Variants in GPR39 observed in about 807,000 individuals in gnomAD.
GPR39 encodes G protein-coupled receptor 39.
GPR39 carries 23 observed loss-of-function variants against 18.4 expected under a neutral mutation model. The ratio of observed to expected loss-of-function variants is 1.25; its 90% CI spans 0.90 to 1.77. GPR39 has a LOEUF of 1.77. Among genes scored for constraint, GPR39 ranks in the 40% most tolerant of loss-of-function variants. The pLI is 0.00. For missense variants in GPR39, 647 were observed against 602.4 expected (o/e 1.07, Z -0.78); for synonymous variants, 280 against 257.9 (o/e 1.09, Z -0.82).
chr2:132,578,485 C>T (rs1053744951), intron 1 of GPR39, among the ~76,000 whole-genome samples: 2 of 151,996 alleles, frequency 1.3e-5, no homozygotes, highest in African/African-American at 4.8e-5. Flanking sequence ...TCTAGTGAAA[C>T]CATCTGGACT....
At chr2:132,628,661 C>A (rs1222819270) in intron 1 of GPR39, among the ~76,000 whole-genome samples, 2 of 152,110 alleles carry the variant, frequency 1.3e-5, no homozygotes, top group African/African-American at 2.4e-5. Flanking sequence ...CCTAGAAAAC[C>A]ATTTTCTAAG....
intron 1 of GPR39, among the ~76,000 whole-genome samples, chr2:132,469,622 T>G (rs1680994450): frequency 1.3e-5 from 2 of 152,076 alleles, no homozygotes; most frequent in Admixed American, 1.3e-4. Flanking sequence ...GAGGTAGTCG[T>G]ATAACTAATG....
At chr2:132,575,593 T>G (rs989283978) in intron 1 of GPR39, among the ~76,000 whole-genome samples, 1 of 152,254 alleles carries the variant, frequency 6.6e-6, no homozygotes, top group African/African-American at 2.4e-5. Flanking sequence ...CACAGTTTTC[T>G]GCAGCCTTGT....
chr2:132,461,276 C>G (rs565687137), intron 1 of GPR39, among the ~76,000 whole-genome samples: 2 of 152,308 alleles, frequency 1.3e-5, no homozygotes, highest in East Asian at 1.9e-4. Flanking sequence ...TCACAACTCT[C>G]TCTACTCTAT....
intron 1 of GPR39, among the ~76,000 whole-genome samples, chr2:132,562,904 A>G (rs929429348): frequency 1.3e-5 from 2 of 152,258 alleles, no homozygotes; most frequent in African/African-American, 2.4e-5. Flanking sequence ...AGTACCATAT[A>G]TGCTGTTAGG....
At chr2:132,476,463 C>T (rs1426490688) in intron 1 of GPR39, among the ~76,000 whole-genome samples, 2 of 151,954 alleles carry the variant, frequency 1.3e-5, no homozygotes, top group East Asian at 1.9e-4. Context: ...TGGTGAAACC[C>T]TGTCTCCACT....
intron 1 of GPR39, among the ~76,000 whole-genome samples, chr2:132,517,270 C>A: frequency 6.6e-6 from 1 of 151,148 alleles, no homozygotes; most frequent in East Asian, 2.0e-4. Flanking sequence ...TATACAGGAC[C>A]CTAATAAAAA....
At chr2:132,574,596 A>G (rs982612385) in intron 1 of GPR39, among the ~76,000 whole-genome samples, 1 of 152,098 alleles carries the variant, frequency 6.6e-6, no homozygotes, top group Non-Finnish European at 1.5e-5. Context: ...TTAGCTGGAC[A>G]TGATGGTGTG....
Position 132,416,898 on chromosome 2 carries a change from TA to T in GPR39, c.-143del. On this transcript the variant is annotated 5_prime_UTR_variant, in exon 1 of 2. An upstream open reading frame in the 5' UTR gains an earlier in-frame stop. Coordinates refer to ENST00000329321, the MANE Select transcript of GPR39 (RefSeq NM_001508.3). ...GTTTCCATGAAAGCACCTGAAATAC[TA>T]AGTTACCTTCGCGAGGAGAACTCGA... 1.8e-6 allele frequency: 2 copies of T among 1,088,110 alleles called. No individual in the cohort carries two copies. Among genetic ancestry groups the T allele is most frequent in the Non-Finnish European group, 2.6e-6 (2 of 765,436 alleles). 67.4% of individuals were successfully genotyped at this position (1,088,110 alleles called of 1,614,324 possible).
At chr2:132,509,355 A>G (rs1001884484) in intron 1 of GPR39, among the ~76,000 whole-genome samples, 3 of 152,140 alleles carry the variant, frequency 2.0e-5, no homozygotes, top group South Asian at 2.1e-4. Context: ...TGCTTATTCT[A>G]TAACCCAAGG....
chr2:132,450,154 G>T (rs796085111), intron 1 of GPR39, among the ~76,000 whole-genome samples: 3 of 152,232 alleles, frequency 2.0e-5, no homozygotes, highest in Admixed American at 2.0e-4. Flanking sequence ...TGACGTGGCA[G>T]CTTCTAGGGC....
chr2:132,615,548 A>T (rs1299712689), intron 1 of GPR39, among the ~76,000 whole-genome samples: 1 of 152,106 alleles, frequency 6.6e-6, no homozygotes, highest in Non-Finnish European at 1.5e-5. Context: ...CTTGAGAACC[A>T]CAGGGGTGTA....
At position 132,445,215 on chromosome 2, in the gene GPR39, T is replaced by G. The variant is rs1680512853; in HGVS notation, c.856+27317T>G. On this transcript the variant is annotated intron_variant, in intron 1 of 1. Coordinates refer to ENST00000329321, the MANE Select transcript of GPR39 (RefSeq NM_001508.3). ...CAGCATCCATATGTTATTCTGATTT[T>G]TTGTTTTAAATGTTACATTGTATAT... Among the ~76,000 whole-genome samples the G allele has an allele frequency of 3.3e-5, 5 of 152,366 alleles. No homozygotes were observed. In the South Asian group the frequency reaches 1.0e-3, roughly 32 times the overall value.
chr2:132,442,009 G>A (rs1680449205), intron 1 of GPR39, among the ~76,000 whole-genome samples: 1 of 151,994 alleles, frequency 6.6e-6, no homozygotes, highest in Non-Finnish European at 1.5e-5. Context: ...TTTGCTTTGG[G>A]ACTTCAGGTT....
At chr2:132,461,700 A>G (rs1298457549) in intron 1 of GPR39, among the ~76,000 whole-genome samples, 1 of 152,208 alleles carries the variant, frequency 6.6e-6, no homozygotes, top group Non-Finnish European at 1.5e-5. Flanking sequence ...GCAGGAGAAT[A>G]TTTGTGAGGA....
At chr2:132,436,291 T>G (rs1446889145) in intron 1 of GPR39, among the ~76,000 whole-genome samples, 1 of 152,244 alleles carries the variant, frequency 6.6e-6, no homozygotes, top group East Asian at 1.9e-4. Flanking sequence ...AATGAATTTT[T>G]GGAAGAGTGT....
chr2:132,616,098 G>A (rs943062826), intron 1 of GPR39, among the ~76,000 whole-genome samples: 2 of 152,050 alleles, frequency 1.3e-5, no homozygotes, highest in East Asian at 3.9e-4. Context: ...TTATTAGCCT[G>A]TAACAAACCC....
At chr2:132,534,585 A>C (rs1679711366) in intron 1 of GPR39, among the ~76,000 whole-genome samples, 1 of 150,928 alleles carries the variant, frequency 6.6e-6, no homozygotes, top group Non-Finnish European at 1.5e-5. Context: ...ACTTGGAACC[A>C]ACCCAAATGT....
intron 1 of GPR39, among the ~76,000 whole-genome samples, chr2:132,538,350 C>A (rs1052624284): frequency 6.6e-6 from 1 of 152,216 alleles, no homozygotes; most frequent in Non-Finnish European, 1.5e-5. Context: ...CCTCTCCAGA[C>A]CCTGTTCACC....
Sources: allele counts gnomAD v4.1 joint callset (sites outside exome capture counted in the v4.1 genomes callset), GRCh38; gene constraint gnomAD v4.1.1; transcripts MANE v1.5; gene names NCBI Gene and HGNC (gene_info 2026-07-23, HGNC 2026-07-21).